GLIS3: variants seen among roughly 807,000 people sequenced by gnomAD.
GLIS3 encodes GLIS family zinc finger 3.
In GLIS3, 53 loss-of-function variants were observed where a neutral mutation model predicts 78.6. That is an observed-to-expected ratio of 0.67 (90% CI 0.54 to 0.85). GLIS3 has a LOEUF of 0.85. Among genes scored for constraint, GLIS3 ranks in the 40% least tolerant of loss-of-function variants. GLIS3 has a pLI of 0.00. For missense variants in GLIS3, 1,703 were observed against 1,231.1 expected (o/e 1.38, Z -5.74); for synonymous variants, 684 against 509.9 (o/e 1.34, Z -4.60).
At chr9:4,408,560 G>A in the GLIS3 span, among the ~76,000 whole-genome samples, 2 of 151,370 alleles carry the variant, frequency 1.3e-5, no homozygotes, top group Non-Finnish European at 2.9e-5. Context: ...AATCCCGTCT[G>A]TACTAAAAAT....
At chr9:4,027,481 T>C (rs377319546) in intron 4 of GLIS3, among the ~76,000 whole-genome samples, 27 of 152,210 alleles carry the variant, frequency 1.8e-4, no homozygotes, top group African/African-American at 6.3e-4. Flanking sequence ...ACATATTCAC[T>C]CCCCCCACCT....
intron 7 of GLIS3, among the ~76,000 whole-genome samples, chr9:3,897,482 ACACTG>A (rs1465245246): frequency 6.6e-6 from 1 of 152,204 alleles, no homozygotes; most frequent in Non-Finnish European, 1.5e-5. Context: ...TGTGTTGGTA[ACACTG>A]CACATTGATA....
At chr9:4,024,972 G>A (rs999389348) in intron 4 of GLIS3, among the ~76,000 whole-genome samples, 1 of 152,176 alleles carries the variant, frequency 6.6e-6, no homozygotes, top group Non-Finnish European at 1.5e-5. Flanking sequence ...CTCAAGGCTA[G>A]GCACGGTGGC....
the GLIS3 span, among the ~76,000 whole-genome samples, chr9:4,381,967 G>A: frequency 2.0e-4 from 31 of 152,310 alleles, 1 homozygote; most frequent in East Asian, 5.6e-3. Flanking sequence ...CACAGGCTGG[G>A]TGGAATCCCT....
At chr9:4,439,993 C>A in the GLIS3 span, among the ~76,000 whole-genome samples, 3 of 152,214 alleles carry the variant, frequency 2.0e-5, no homozygotes, top group Non-Finnish European at 4.4e-5. Context: ...TACATGTCTT[C>A]TTTTGAGAAG....
At chr9:4,330,405 G>T (rs1401008116) in intron 2 of GLIS3, among the ~76,000 whole-genome samples, 3 of 152,258 alleles carry the variant, frequency 2.0e-5, no homozygotes, top group South Asian at 4.1e-4. Context: ...TGATGCTATT[G>T]GTCCAAGGAT....
intron 2 of GLIS3, among the ~76,000 whole-genome samples, chr9:4,263,788 C>T (rs1825743086): frequency 6.6e-6 from 1 of 152,170 alleles, no homozygotes; most frequent in Non-Finnish European, 1.5e-5. Context: ...CTTCCTTTCA[C>T]TTGTTAACTT....
At chr9:4,248,102 A>C (rs1194220516) in intron 2 of GLIS3, among the ~76,000 whole-genome samples, 1 of 152,020 alleles carries the variant, frequency 6.6e-6, no homozygotes, top group Non-Finnish European at 1.5e-5. Context: ...CTTTTTTCTT[A>C]TTATACTTTA....
the GLIS3 span, among the ~76,000 whole-genome samples, chr9:4,374,644 T>C: frequency 2.8e-3 from 422 of 152,344 alleles, 2 homozygotes; most frequent in African/African-American, 9.6e-3. Flanking sequence ...GGGCATCTTG[T>C]CTTCTCCACC....
chr9:4,396,397 G>A, the GLIS3 span, among the ~76,000 whole-genome samples: 10 of 152,286 alleles, frequency 6.6e-5, no homozygotes, highest in African/African-American at 2.2e-4. Context: ...CCAAAGTGCT[G>A]GGATTGCAGG....
intron 4 of GLIS3, among the ~76,000 whole-genome samples, chr9:4,095,809 C>A (rs1424015099): frequency 1.3e-5 from 2 of 152,156 alleles, no homozygotes; most frequent in Admixed American, 6.5e-5. Flanking sequence ...TTCTCCAATA[C>A]GTCTCTTAAC....
At chr9:3,860,571 G>A (rs1176264646) in intron 8 of GLIS3, among the ~76,000 whole-genome samples, 1 of 152,106 alleles carries the variant, frequency 6.6e-6, no homozygotes, top group Non-Finnish European at 1.5e-5. Flanking sequence ...ACTGAGAACT[G>A]CTTAGGTTCA....
chr9:4,120,361 C>A (rs1404613226), intron 3 of GLIS3, among the ~76,000 whole-genome samples: 1 of 152,240 alleles, frequency 6.6e-6, no homozygotes, highest in Admixed American at 6.5e-5. Context: ...ACAAACACAG[C>A]AGGAATTTAC....
At chr9:4,033,948 A>T (rs1393887631) in intron 4 of GLIS3, among the ~76,000 whole-genome samples, 1 of 150,028 alleles carries the variant, frequency 6.7e-6, no homozygotes, top group Non-Finnish European at 1.5e-5. Flanking sequence ...ATAAAGTTTT[A>T]AAAAACTGTA....
chr9:3,932,937 G>C, intron 5 of GLIS3: 1 of 300,892 alleles, frequency 3.3e-6, no homozygotes, highest in Non-Finnish European at 6.7e-6. Context: ...GAAAGAGAAA[G>C]GGAGAGAATT....
At position 3,825,417 on chromosome 9, in the gene GLIS3, C is replaced by G. The variant is rs1271347242; in HGVS notation, c.*2855G>C. On this transcript the variant is annotated 3_prime_UTR_variant, in exon 11 of 11. Coordinates refer to ENST00000381971, the MANE Select transcript of GLIS3 (RefSeq NM_001042413.2). ...TAAGACAATGCAGCCAATGAAATGT[C>G]TCTAGGCAGACTGATTTTTTTTTTA... 2 of 151,288 alleles carry G rather than the reference C, an allele frequency of 1.3e-5. No individual in the cohort carries two copies. 9.4% of individuals were successfully genotyped at this position (151,288 alleles called of 1,614,324 possible). A position where few individuals can be genotyped will look rare whatever the true frequency, so the allele number is the denominator to read the frequency against.
the GLIS3 span, among the ~76,000 whole-genome samples, chr9:4,460,397 T>C: frequency 6.6e-6 from 1 of 152,166 alleles, no homozygotes; most frequent in Non-Finnish European, 1.5e-5. Context: ...ATACTGTAAC[T>C]TCTATACAAG....
chr9:4,078,674 G>C (rs1292092060), intron 4 of GLIS3, among the ~76,000 whole-genome samples: 3 of 152,180 alleles, frequency 2.0e-5, no homozygotes, highest in Non-Finnish European at 2.9e-5. Context: ...CTGCTGTTAG[G>C]TTAAGGACAG....
At chr9:4,456,314 G>T in the GLIS3 span, among the ~76,000 whole-genome samples, 1 of 152,198 alleles carries the variant, frequency 6.6e-6, no homozygotes, top group Non-Finnish European at 1.5e-5. Context: ...ATTGATGGTT[G>T]CTGAATGTTG....
Sources: gnomAD v4.1 joint callset for allele counts (sites outside exome capture counted in the v4.1 genomes callset) on GRCh38, gnomAD v4.1.1 for gene constraint, MANE v1.5 for transcripts, NCBI Gene and HGNC (gene_info 2026-07-23, HGNC 2026-07-21) for gene names.